RNF38: variants seen among roughly 807,000 people sequenced by gnomAD.
The protein encoded by RNF38 is ring finger protein 38.
A neutral mutation model predicts 67.2 loss-of-function variants in RNF38; 15 were observed. That is an observed-to-expected ratio of 0.22 (90% CI 0.15 to 0.34). The LOEUF is 0.34. Ranked by LOEUF, RNF38 falls within the 10% of genes least tolerant of loss-of-function variation. The probability of loss-of-function intolerance (pLI) is 1.00; values close to 1 mark genes in which losing one functional copy is unlikely to be tolerated. For missense variants in RNF38, 524 were observed against 639.9 expected, an observed-to-expected ratio of 0.82 and a Z score of 1.95; for synonymous variants, 220 against 218.8, an observed-to-expected ratio of 1.01 and a Z score of -0.05.
chr9:36,364,754 G>A (rs150456032), intron 4 of RNF38, among the ~76,000 whole-genome samples: 2 of 152,300 alleles, frequency 1.3e-5, no homozygotes, highest in Non-Finnish European at 2.9e-5. Flanking sequence ...ATCACCTGGA[G>A]GGCATGGTAA....
chr9:36,355,893 C>T (rs1834064551), intron 6 of RNF38, among the ~76,000 whole-genome samples: 1 of 152,170 alleles, frequency 6.6e-6, no homozygotes, highest in Non-Finnish European at 1.5e-5. Context: ...GTCGCCCAGG[C>T]TGGAGTGCAG....
At chr9:36,430,351 C>A (rs1838901462) in intron 1 of RNF38, among the ~76,000 whole-genome samples, 1 of 152,126 alleles carries the variant, frequency 6.6e-6, no homozygotes, top group Non-Finnish European at 1.5e-5. Context: ...GAATTACAGG[C>A]ATGCGCCACC....
intron 1 of RNF38, among the ~76,000 whole-genome samples, chr9:36,456,827 C>A (rs573203615): frequency 6.6e-6 from 1 of 152,240 alleles, no homozygotes; most frequent in South Asian, 2.1e-4. Context: ...TGCTAACTTA[C>A]TTAATGGTAG....
In RNF38 at chr9:36,460,903, AAAAGAAAG is replaced by A. The variant is rs765156793; in HGVS notation, n.241+26397_241+26404del. Among the ~76,000 whole-genome samples the A allele has an allele frequency of 7.4e-4, 108 of 145,434 alleles. 1 individual carries two copies. Among genetic ancestry groups the A allele is most frequent in the Non-Finnish European group, 6.0e-4 (40 of 66,442 alleles). ...ACTCTCTCAAAAAAAAAAAAAAAAA[AAAAGAAAG>A]AAAGAAAGAAAAAAAAGGAGGCTGG... On this transcript the variant is annotated intron_variant and non_coding_transcript_variant, in intron 1 of 3. Transcript: ENST00000488058.
intron 1 of RNF38, among the ~76,000 whole-genome samples, chr9:36,435,377 G>A (rs1024140195): frequency 6.6e-6 from 1 of 152,100 alleles, no homozygotes; most frequent in Admixed American, 6.5e-5. Flanking sequence ...GCAAACACGA[G>A]AGTAGTAATT....
At chr9:36,452,060 T>C (rs577446699) in intron 1 of RNF38, among the ~76,000 whole-genome samples, 1 of 152,056 alleles carries the variant, frequency 6.6e-6, no homozygotes, top group African/African-American at 2.4e-5. Flanking sequence ...CTACTAAAAA[T>C]TTTTTTAAAA....
At chr9:36,360,757 T>G (rs1834463935) in intron 4 of RNF38, among the ~76,000 whole-genome samples, 1 of 152,182 alleles carries the variant, frequency 6.6e-6, no homozygotes, top group Non-Finnish European at 1.5e-5. Context: ...ATAAAACTAT[T>G]GATTTCTAAT....
intron 5 of RNF38, among the ~76,000 whole-genome samples, chr9:36,357,394 T>G (rs909522262): frequency 3.3e-5 from 5 of 152,216 alleles, no homozygotes; most frequent in African/African-American, 4.8e-5. Flanking sequence ...CTGAGACTCT[T>G]AAGTGTTGAA....
intron 10 of RNF38, among the ~76,000 whole-genome samples, chr9:36,342,684 G>A (rs751263759): frequency 7.2e-5 from 11 of 152,016 alleles, no homozygotes; most frequent in Non-Finnish European, 1.5e-4. Context: ...AAAAAAAATG[G>A]TATTAGAACT....
rs188222099 is a variant in RNF38, at chr9:36,336,462, G to A, written c.*3290C>T. 53 of 152,238 alleles carry A rather than the reference G, an allele frequency of 3.5e-4. No homozygotes were observed. The highest frequency in any genetic ancestry group is 7.4e-5 in the Non-Finnish European group (5 of 67,970). The allele number at this position is 152,238 out of a possible 1,614,324, so 9.4% of individuals were successfully genotyped here. A position where few individuals can be genotyped will look rare whatever the true frequency, so the allele number is the denominator to read the frequency against. On this transcript the variant is annotated 3_prime_UTR_variant, in exon 12 of 12. Transcript: ENST00000259605. ...TCTCAACTCCAAAATTGGGCACAGG[G>A]ATTAAAAATAAAAATTCATTGCACT... is the stretch of plus-strand genomic sequence containing the variant.
intron 2 of RNF38, chr9:36,424,587 A>T (rs1838722259): frequency 1.7e-5 from 16 of 969,076 alleles, no homozygotes; most frequent in Non-Finnish European, 2.0e-5. Context: ...CATTTTCCCC[A>T]TGGCAGACAT....
intron 9 of RNF38, among the ~76,000 whole-genome samples, chr9:36,345,574 T>A (rs1352524030): frequency 6.6e-6 from 1 of 152,182 alleles, no homozygotes; most frequent in Non-Finnish European, 1.5e-5. Context: ...GGGGACAAAC[T>A]GTCCCCAGGT....
intron 2 of RNF38, among the ~76,000 whole-genome samples, chr9:36,417,061 C>T (rs1838493821): frequency 6.6e-6 from 1 of 152,096 alleles, no homozygotes; most frequent in African/African-American, 2.4e-5. Flanking sequence ...CGCGCCTGGC[C>T]TTGCATCAAC....
rs543600351 is a variant in RNF38 at position 36,397,767 on chromosome 9, A to G, written c.12+2330T>C. On this transcript the variant is annotated intron_variant, in intron 1 of 11. Transcript: ENST00000259605. ...AAAGGGTAGGAAAAATAAGAGTTAC[A>G]TATTTTAAATAAACTTTTCTTTCCT... Among the ~76,000 whole-genome samples, 7 of 151,610 alleles carry G rather than the reference A, an allele frequency of 4.6e-5. No homozygotes were observed. In the South Asian group the frequency reaches 1.1e-3, roughly 23 times the overall value.
intron 4 of RNF38, among the ~76,000 whole-genome samples, chr9:36,364,311 A>G (rs879593561): frequency 1.3e-5 from 2 of 152,192 alleles, no homozygotes; most frequent in Admixed American, 6.5e-5. Context: ...TTACATTATA[A>G]GAATACAGTA....
intron 1 of RNF38, among the ~76,000 whole-genome samples, chr9:36,485,582 G>A (rs749581126): frequency 6.6e-6 from 1 of 152,022 alleles, no homozygotes; most frequent in Admixed American, 6.6e-5. Context: ...ACATTTTCTT[G>A]CTTTTAAGTA....
chr9:36,479,206 C>A (rs1564078842), intron 1 of RNF38, among the ~76,000 whole-genome samples: 1 of 152,194 alleles, frequency 6.6e-6, no homozygotes, highest in African/African-American at 2.4e-5. Context: ...CGCCTGCCCC[C>A]ACTACTTGGT....
chr9:36,413,941 G>A (rs1838394293), intron 2 of RNF38, among the ~76,000 whole-genome samples: 1 of 152,144 alleles, frequency 6.6e-6, no homozygotes, highest in South Asian at 2.1e-4. Context: ...TTAGGATTAT[G>A]ATATTTTCCT....
chr9:36,389,066 A>T (rs936798066), intron 2 of RNF38, among the ~76,000 whole-genome samples: 1 of 152,162 alleles, frequency 6.6e-6, no homozygotes, highest in East Asian at 1.9e-4. Flanking sequence ...CTGGGCAAAA[A>T]AAACCTTCTA....
Sources: allele counts gnomAD v4.1 joint callset (sites outside exome capture counted in the v4.1 genomes callset), GRCh38; gene constraint gnomAD v4.1.1; transcripts MANE v1.5; gene names NCBI Gene and HGNC (gene_info 2026-07-23, HGNC 2026-07-21).